Variants in PIP5K1B observed in about 807,000 individuals in gnomAD.
PIP5K1B encodes phosphatidylinositol-4-phosphate 5-kinase type 1 beta, also known as phosphatidylinositol 4-phosphate 5-kinase type-1 beta.
A neutral mutation model predicts 67.0 loss-of-function variants in PIP5K1B; 42 were observed. The observed-to-expected ratio is 0.63, with a 90% confidence interval of 0.49 to 0.81. The LOEUF is 0.81. PIP5K1B is among the 30% of genes least tolerant of loss of function. The probability of loss-of-function intolerance (pLI) is 0.00; values close to 1 mark genes in which losing one functional copy is unlikely to be tolerated. For missense variants in PIP5K1B, 459 were observed against 646.3 expected, an observed-to-expected ratio of 0.71 and a Z score of 3.14; for synonymous variants, 214 against 231.4, an observed-to-expected ratio of 0.92 and a Z score of 0.68.
At chr9:68,740,033 TC>T (rs1267072974) in intron 1 of PIP5K1B, 1 of 152,410 alleles carries the variant, frequency 6.6e-6, no homozygotes, top group East Asian at 1.9e-4. Flanking sequence ...GGCCATTCCT[TC>T]CTGCTACTGT....
At chr9:68,733,681 C>T (rs1023580791) in intron 1 of PIP5K1B, among the ~76,000 whole-genome samples, 11 of 126,704 alleles carry the variant, frequency 8.7e-5, no homozygotes, top group African/African-American at 3.3e-4. Flanking sequence ...GCTTATTCGC[C>T]CAGGCTGGAG....
intron 2 of PIP5K1B, among the ~76,000 whole-genome samples, chr9:68,800,958 T>C (rs1403461231): frequency 1.3e-5 from 2 of 152,178 alleles, no homozygotes; most frequent in Non-Finnish European, 2.9e-5. Flanking sequence ...CTCCCCCTCA[T>C]ATAGAAATCC....
intron 15 of PIP5K1B, among the ~76,000 whole-genome samples, chr9:69,007,758 G>C (rs1448586468): frequency 6.6e-6 from 1 of 152,052 alleles, no homozygotes; most frequent in Non-Finnish European, 1.5e-5. Flanking sequence ...TCGGGAGGCT[G>C]AGGCAGGAGA....
At chr9:68,892,818 C>A (rs950994364) in intron 7 of PIP5K1B, among the ~76,000 whole-genome samples, 1 of 152,164 alleles carries the variant, frequency 6.6e-6, no homozygotes, top group African/African-American at 2.4e-5. Context: ...TGCCTGTAAT[C>A]CCAGCACTTT....
chr9:68,956,248 A>G (rs1463858381), intron 14 of PIP5K1B, among the ~76,000 whole-genome samples: 1 of 152,220 alleles, frequency 6.6e-6, no homozygotes, highest in East Asian at 1.9e-4. Context: ...AGGCAGGAGG[A>G]TCACTTGAGC....
intron 6 of PIP5K1B, among the ~76,000 whole-genome samples, chr9:68,888,257 C>T (rs1010747312): frequency 2.6e-5 from 4 of 152,156 alleles, no homozygotes; most frequent in African/African-American, 7.2e-5. Flanking sequence ...GAATTACAGG[C>T]GTGAGCCACC....
intron 2 of PIP5K1B, among the ~76,000 whole-genome samples, chr9:68,749,693 T>C (rs1180810015): frequency 6.6e-6 from 1 of 152,176 alleles, no homozygotes; most frequent in Non-Finnish European, 1.5e-5. Context: ...AGAGCAGGGC[T>C]TCTCAACCTC....
chr9:68,850,509 A>C (rs972806086), intron 4 of PIP5K1B, among the ~76,000 whole-genome samples: 6 of 152,238 alleles, frequency 3.9e-5, no homozygotes. Context: ...AGACACAGCC[A>C]GATGTCCCTG....
chr9:68,991,346 C>T, intron 15 of PIP5K1B, 89 bp downstream of exon 15: 1 of 737,858 alleles, frequency 1.4e-6, no homozygotes, highest in Non-Finnish European at 2.4e-6. Flanking sequence ...TCAATAAAAC[C>T]AGGCATGCTT....
intron 1 of PIP5K1B, among the ~76,000 whole-genome samples, chr9:68,710,335 A>G (rs907318465): frequency 4.6e-5 from 7 of 152,170 alleles, no homozygotes; most frequent in Admixed American, 1.3e-4. Flanking sequence ...GCTGAGTGCC[A>G]GAGAACTGGG....
At chr9:68,713,586 C>G (rs1278037522) in intron 1 of PIP5K1B, among the ~76,000 whole-genome samples, 1 of 152,126 alleles carries the variant, frequency 6.6e-6, no homozygotes, top group Non-Finnish European at 1.5e-5. Flanking sequence ...TGCTATCTGC[C>G]TGCTCCTTCA....
chr9:68,871,219 G>A (rs1170371633), intron 5 of PIP5K1B, among the ~76,000 whole-genome samples: 7 of 152,200 alleles, frequency 4.6e-5, no homozygotes. Context: ...TATTTGGGCA[G>A]GGAGAAACCC....
At chr9:68,757,976 C>T (rs1407706533) in intron 2 of PIP5K1B, among the ~76,000 whole-genome samples, 1 of 152,052 alleles carries the variant, frequency 6.6e-6, no homozygotes, top group Non-Finnish European at 1.5e-5. Flanking sequence ...ACCAAATTGA[C>T]AAAAGAGAGG....
intron 15 of PIP5K1B, among the ~76,000 whole-genome samples, chr9:69,006,108 C>G (rs1831065641): frequency 6.6e-6 from 1 of 152,112 alleles, no homozygotes; most frequent in African/African-American, 2.4e-5. Flanking sequence ...CAAGGCTGTT[C>G]TTGAACTCCT....
At chr9:68,946,610 G>A (rs1037708932) in intron 14 of PIP5K1B, among the ~76,000 whole-genome samples, 1 of 151,676 alleles carries the variant, frequency 6.6e-6, no homozygotes, top group Non-Finnish European at 1.5e-5. Flanking sequence ...TAGCCAGGAT[G>A]GTCTCGATCT....
chr9:68,918,095 A>AT (rs551054460), intron 9 of PIP5K1B, among the ~76,000 whole-genome samples: 17,296 of 143,072 alleles, frequency 0.12, 1,250 homozygotes, highest in East Asian at 0.15. Flanking sequence ...TTATTTATTT[A>AT]TTTTTTTTTT....
At chr9:68,924,743 GT>G (rs1167697058) in intron 12 of PIP5K1B, among the ~76,000 whole-genome samples, 1 of 151,782 alleles carries the variant, frequency 6.6e-6, no homozygotes, top group Non-Finnish European at 1.5e-5. Context: ...GAATGTTCAT[GT>G]TTTATATTTA....
At chr9:68,825,725 C>T (rs1833944037) in intron 4 of PIP5K1B, among the ~76,000 whole-genome samples, 3 of 152,148 alleles carry the variant, frequency 2.0e-5, no homozygotes, top group African/African-American at 7.2e-5. Flanking sequence ...ATAAGTAGCT[C>T]ACAGTGGAGT....
chr9:68,768,799 G>A (rs1295368779), intron 2 of PIP5K1B, among the ~76,000 whole-genome samples: 2 of 152,156 alleles, frequency 1.3e-5, no homozygotes, highest in African/African-American at 4.8e-5. Flanking sequence ...TAGGTGCCTG[G>A]GTCTCTCCAG....
Sources: allele counts gnomAD v4.1 joint callset (sites outside exome capture counted in the v4.1 genomes callset), GRCh38; gene constraint gnomAD v4.1.1; transcripts MANE v1.5; gene names NCBI Gene and HGNC (gene_info 2026-07-23, HGNC 2026-07-21).